NXPH1: variants seen among roughly 807,000 people sequenced by gnomAD.
The protein encoded by NXPH1 is neurexophilin-1.
In NXPH1, 5 loss-of-function variants were observed where a neutral mutation model predicts 23.7. The observed-to-expected ratio is 0.21, with a 90% confidence interval of 0.11 to 0.44. NXPH1 has a LOEUF of 0.44. NXPH1 is among the 20% of genes least tolerant of loss of function. NXPH1 has a pLI of 0.99. For synonymous variants in NXPH1, 144 were observed against 122.2 expected, an observed-to-expected ratio of 1.18 and a Z score of -1.18; for missense variants, 324 against 321.6, an observed-to-expected ratio of 1.01 and a Z score of -0.06.
intron 2 of NXPH1, among the ~76,000 whole-genome samples, chr7:8,742,562 A>G: frequency 8.4e-6 from 1 of 118,356 alleles, no homozygotes; most frequent in Non-Finnish European, 2.0e-5. Context: ...TCTCTGAGAT[A>G]TTTTGTTAAT....
intron 2 of NXPH1, among the ~76,000 whole-genome samples, chr7:8,676,070 C>T (rs1820946882): frequency 6.6e-6 from 1 of 152,042 alleles, no homozygotes; most frequent in African/African-American, 2.4e-5. Flanking sequence ...ATAGTCAGTG[C>T]CACAGATGTG....
chr7:8,435,330 C>T lies in NXPH1; in HGVS notation c.-110-274C>T, dbSNP rs1816171597. ...GCTCCGAACCAGCCTGCACGCGGCT[C>T]AGTGTGCTCCGCCGCCTGGGAACTC... On this transcript the variant is annotated intron_variant, in intron 1 of 2. Transcript: ENST00000405863. This position sits in a 1 kb window ranked among gnomAD's most constrained non-coding sequence, Gnocchi z 5.9. 3 of 329,906 alleles carry T rather than the reference C, an allele frequency of 9.1e-6. No individual in the cohort carries two copies. The highest frequency in any genetic ancestry group is 1.7e-5 in the Non-Finnish European group (3 of 175,092). 20.4% of individuals were successfully genotyped at this position (329,906 alleles called of 1,614,324 possible). A position where few individuals can be genotyped will look rare whatever the true frequency, so the allele number is the denominator to read the frequency against.
intron 2 of NXPH1, among the ~76,000 whole-genome samples, chr7:8,489,925 C>G (rs1284030436): frequency 6.6e-6 from 1 of 152,012 alleles, no homozygotes; most frequent in East Asian, 1.9e-4. Context: ...TAAATTGGTT[C>G]TTGATTTAAT....
At chr7:8,672,341 G>A (rs182008853) in intron 2 of NXPH1, among the ~76,000 whole-genome samples, 7 of 152,152 alleles carry the variant, frequency 4.6e-5, no homozygotes, top group African/African-American at 1.7e-4. Context: ...GTGGGTGGAG[G>A]GATAGCATTA....
chr7:8,683,894 A>G (rs79451002), intron 2 of NXPH1, among the ~76,000 whole-genome samples: 2,627 of 152,282 alleles, frequency 0.017, 39 homozygotes, highest in Middle Eastern at 0.027. Flanking sequence ...AGACATTGCT[A>G]TAAAATGATA....
In NXPH1 at chr7:8,640,849, G is replaced by A. The variant is rs192120997; in HGVS notation, c.55-110159G>A. ...CGAGCCTGTAATCCCAATGACTCATGGGGCTGGGGCTGTTGGATCTCTTGA... is the reference window on the plus strand; with the variant it reads ...CGAGCCTGTAATCCCAATGACTCATAGGGCTGGGGCTGTTGGATCTCTTGA... On this transcript the variant is annotated intron_variant, in intron 2 of 2. Transcript: ENST00000405863. Among the ~76,000 whole-genome samples, 170 of 152,208 alleles carry A rather than the reference G, an allele frequency of 1.1e-3. 1 individual carries two copies. The highest frequency in any genetic ancestry group is 4.0e-3 in the African/African-American group (165 of 41,520).
chr7:8,700,185 A>T (rs1779600618), intron 2 of NXPH1, among the ~76,000 whole-genome samples: 1 of 152,248 alleles, frequency 6.6e-6, no homozygotes, highest in South Asian at 2.1e-4. Flanking sequence ...CCTATTTAGG[A>T]TCGTTTATGA....
At chr7:8,506,004 C>T (rs1286798855) in intron 2 of NXPH1, among the ~76,000 whole-genome samples, 1 of 152,050 alleles carries the variant, frequency 6.6e-6, no homozygotes, top group Non-Finnish European at 1.5e-5. Flanking sequence ...CTTGAAAAAA[C>T]AATAAATTAG....
intron 2 of NXPH1, among the ~76,000 whole-genome samples, chr7:8,736,226 G>A (rs529101547): frequency 1.3e-5 from 2 of 152,268 alleles, no homozygotes; most frequent in East Asian, 3.9e-4. Context: ...ATGTCAGGGT[G>A]TTGATTTTAG....
At chr7:8,570,240 G>A (rs1019908256) in intron 2 of NXPH1, among the ~76,000 whole-genome samples, 1 of 151,926 alleles carries the variant, frequency 6.6e-6, no homozygotes, top group Non-Finnish European at 1.5e-5. Context: ...GTTTCATGCA[G>A]TTCAACTTGG....
intron 2 of NXPH1, among the ~76,000 whole-genome samples, chr7:8,648,768 A>G (rs927646841): frequency 3.9e-5 from 6 of 152,180 alleles, no homozygotes; most frequent in Admixed American, 3.9e-4. Context: ...AAACAAATTC[A>G]TTTTTATTTG....
rs1288653501 is a variant in NXPH1 at position 8,466,744 on chromosome 7, G to C, written c.54+30977G>C. Among the ~76,000 whole-genome samples the C allele has an allele frequency of 3.3e-5, 5 of 152,128 alleles. No homozygotes were observed. The East Asian group carries it at 9.6e-4, about 29-fold the overall frequency. On this transcript the variant is annotated intron_variant, in intron 2 of 2. Coordinates refer to ENST00000405863, the MANE Select transcript of NXPH1 (RefSeq NM_152745.3). The stretch of plus-strand genomic sequence containing the variant: ...TTATACCTTGAAGAAACTTTGGGAA[G>C]TCAAGTTCTAGTCTTTCGTTCCCTT...
At chr7:8,452,572 T>C (rs1261333260) in intron 2 of NXPH1, among the ~76,000 whole-genome samples, 1 of 152,142 alleles carries the variant, frequency 6.6e-6, no homozygotes, top group African/African-American at 2.4e-5. Context: ...GCTGATTTAA[T>C]AGGTCAGATT....
chr7:8,447,445 C>CAAA (rs1474802224), intron 2 of NXPH1, among the ~76,000 whole-genome samples: 4 of 152,178 alleles, frequency 2.6e-5, no homozygotes, highest in Admixed American at 1.3e-4. Flanking sequence ...CAGAACATGG[C>CAAA]AGAGTTTTTG....
At chr7:8,729,131 G>C (rs951808591) in intron 2 of NXPH1, among the ~76,000 whole-genome samples, 3 of 151,992 alleles carry the variant, frequency 2.0e-5, no homozygotes, top group Non-Finnish European at 4.4e-5. Context: ...TTGCATAGAG[G>C]TGTTTATAGT....
At chr7:8,602,633 CA>C in intron 2 of NXPH1, among the ~76,000 whole-genome samples, 1 of 152,290 alleles carries the variant, frequency 6.6e-6, no homozygotes, top group East Asian at 1.9e-4. Context: ...TCCATGTTTA[CA>C]TACTGTTTTC....
At chr7:8,516,305 T>C (rs1817686212) in intron 2 of NXPH1, among the ~76,000 whole-genome samples, 1 of 152,114 alleles carries the variant, frequency 6.6e-6, no homozygotes, top group African/African-American at 2.4e-5. Flanking sequence ...AGTTGCTGAA[T>C]ATTTCATGTT....
intron 2 of NXPH1, among the ~76,000 whole-genome samples, chr7:8,449,464 A>G (rs1816466953): frequency 6.6e-6 from 1 of 152,146 alleles, no homozygotes; most frequent in African/African-American, 2.4e-5. Context: ...AGTTTTTTCC[A>G]TTTAGTTATT....
chr7:8,727,054 A>T (rs62446352), intron 2 of NXPH1, among the ~76,000 whole-genome samples: 86,784 of 135,474 alleles, frequency 0.64, 29,453 homozygotes, highest in African/African-American at 0.85. Flanking sequence ...GGTATCTCAT[A>T]GTGGTTTTGA....
Sources: gnomAD v4.1 joint callset for allele counts (sites outside exome capture counted in the v4.1 genomes callset) on GRCh38, gnomAD v4.1.1 for gene constraint, Gnocchi (gnomAD v3.1) non-coding constraint, MANE v1.5 for transcripts, NCBI Gene and HGNC (gene_info 2026-07-23, HGNC 2026-07-21) for gene names.